The following DNM3 variants were observed in gnomAD, a reference collection of about 807,000 sequenced individuals.
DNM3 encodes dynamin-3.
A neutral mutation model predicts 101.6 loss-of-function variants in DNM3; 47 were observed. That is an observed-to-expected ratio of 0.46 (90% CI 0.37 to 0.59). DNM3 has a LOEUF of 0.59. Among genes scored for constraint, DNM3 ranks in the 20% least tolerant of loss-of-function variants. The pLI, the probability that DNM3 is intolerant of heterozygous loss-of-function variation, is 0.00. For missense variants in DNM3, 849 were observed against 1,085.7 expected, an observed-to-expected ratio of 0.78 and a Z score of 3.06; for synonymous variants, 385 against 387.9, an observed-to-expected ratio of 0.99 and a Z score of 0.09.
intron 14 of DNM3, among the ~76,000 whole-genome samples, chr1:172,223,122 C>A (rs933555018): frequency 2.6e-5 from 4 of 151,928 alleles, no homozygotes; most frequent in African/African-American, 9.7e-5. Context: ...GTATACAGTA[C>A]AATATTGTTA....
intron 20 of DNM3, among the ~76,000 whole-genome samples, chr1:172,405,677 C>T (rs1269103238): frequency 2.0e-5 from 3 of 151,946 alleles, no homozygotes; most frequent in African/African-American, 7.2e-5. Flanking sequence ...AATTTCCCTC[C>T]TTAAAGCTCA....
intron 6 of DNM3, 94 bp downstream of exon 6, chr1:172,033,359 C>A: frequency 7.6e-7 from 1 of 1,320,102 alleles, no homozygotes; most frequent in Non-Finnish European, 1.0e-6. Context: ...ATTTTTTTTT[C>A]CAAAACAAGA....
chr1:172,360,761 A>C (rs2067700793), intron 17 of DNM3, among the ~76,000 whole-genome samples: 1 of 151,998 alleles, frequency 6.6e-6, no homozygotes, highest in Admixed American at 6.6e-5. Context: ...TGCCCTGCTT[A>C]CTTTAGCCAA....
At chr1:172,098,543 C>T (rs2054408954) in intron 13 of DNM3, among the ~76,000 whole-genome samples, 1 of 152,124 alleles carries the variant, frequency 6.6e-6, no homozygotes, top group Non-Finnish European at 1.5e-5. Context: ...TGACATACAT[C>T]CTCCTCAGCT....
chr1:172,266,778 C>G (rs1265383002), intron 15 of DNM3, among the ~76,000 whole-genome samples: 2 of 152,140 alleles, frequency 1.3e-5, no homozygotes, highest in Non-Finnish European at 1.5e-5. Context: ...GTGTAATACC[C>G]TCTATGAGTA....
intron 4 of DNM3, among the ~76,000 whole-genome samples, chr1:172,011,124 A>T (rs2125709358): frequency 6.6e-6 from 1 of 152,064 alleles, no homozygotes; most frequent in South Asian, 2.1e-4. Context: ...ATTAAAGAAT[A>T]GGTCCATGGT....
chr1:171,897,525 T>C (rs927490008), intron 1 of DNM3, among the ~76,000 whole-genome samples: 1 of 152,238 alleles, frequency 6.6e-6, no homozygotes, highest in Non-Finnish European at 1.5e-5. Context: ...TAATCATGTC[T>C]ATCTCTTGTC....
chr1:172,112,089 G>A (rs1372991447), intron 13 of DNM3, among the ~76,000 whole-genome samples: 2 of 152,122 alleles, frequency 1.3e-5, no homozygotes, highest in Non-Finnish European at 2.9e-5. Context: ...AGTGTGTTAG[G>A]TGCTTTGTTC....
chr1:171,867,423 C>T lies in DNM3; in HGVS notation c.161+25606C>T, dbSNP rs370316068. On this transcript the variant is annotated intron_variant, in intron 1 of 20. Transcript: ENST00000627582. ...TATTTGGAATATGAAGTCACATCTG[C>T]GCTAGGCTCCAGTAGGCTGCATCCC... 2.0e-3 allele frequency among the ~76,000 whole-genome samples: 307 copies of T among 152,272 alleles called. 3 individuals carry two copies. The South Asian group carries it at 0.03, about 15-fold the overall frequency.
At chr1:171,841,912 A>T in intron 1 of DNM3, 95 bp downstream of exon 1, 1 of 1,219,532 alleles carries the variant, frequency 8.2e-7, no homozygotes, top group Non-Finnish European at 1.1e-6. Flanking sequence ...CAGAGGGTGG[A>T]TGGACCAGGC....
intron 18 of DNM3, 82 bp downstream of exon 18, chr1:172,379,264 T>G: frequency 1.7e-6 from 2 of 1,197,656 alleles, no homozygotes; most frequent in Non-Finnish European, 2.3e-6. Context: ...AGCTTCTTTG[T>G]GTATTTTCTG....
chr1:171,955,781 G>A (rs1432876519), intron 2 of DNM3, among the ~76,000 whole-genome samples: 2 of 152,176 alleles, frequency 1.3e-5, no homozygotes, highest in Non-Finnish European at 2.9e-5. Flanking sequence ...ACATACCTGA[G>A]ACTGGGCAAT....
intron 1 of DNM3, among the ~76,000 whole-genome samples, chr1:171,844,715 A>T (rs1246791433): frequency 2.0e-5 from 3 of 152,194 alleles, no homozygotes; most frequent in Admixed American, 6.5e-5. Context: ...GTGGTGCAGG[A>T]TGAGATATAT....
intron 4 of DNM3, among the ~76,000 whole-genome samples, chr1:172,002,310 T>A (rs2046404195): frequency 6.6e-6 from 1 of 152,076 alleles, no homozygotes; most frequent in African/African-American, 2.4e-5. Flanking sequence ...CAGGAATATG[T>A]TTTTGAGCTT....
chr1:172,126,298 G>A (rs1015723811), intron 13 of DNM3, among the ~76,000 whole-genome samples: 9 of 152,150 alleles, frequency 5.9e-5, no homozygotes, highest in African/African-American at 1.9e-4. Context: ...ACTTCCATGG[G>A]TAACTGGTAA....
intron 2 of DNM3, among the ~76,000 whole-genome samples, chr1:171,945,594 G>A (rs906509235): frequency 6.6e-5 from 10 of 152,200 alleles, no homozygotes; most frequent in African/African-American, 1.7e-4. Context: ...GAAGTTGACC[G>A]TAGAAGCAGA....
chr1:172,094,451 A>G (rs1462484528), intron 13 of DNM3, among the ~76,000 whole-genome samples: 1 of 152,192 alleles, frequency 6.6e-6, no homozygotes, highest in African/African-American at 2.4e-5. Context: ...TATCTGCCCC[A>G]TGATATTTTG....
chr1:171,990,275 G>A lies in DNM3; in HGVS notation c.589+1127G>A, dbSNP rs906526654. Among the ~76,000 whole-genome samples the A allele has an allele frequency of 1.8e-4, 27 of 152,012 alleles. 1 individual carries two copies. The highest frequency in any genetic ancestry group is 2.1e-4 in the South Asian group (1 of 4,826). On this transcript the variant is annotated intron_variant, in intron 4 of 20. Coordinates refer to ENST00000627582, the MANE Select transcript of DNM3 (RefSeq NM_015569.5). ...TTCAAATGTTTGTCGATCTTTTGCC[G>A]CTTGTTCGTGCATGAGAGTGGAGCA...
chr1:172,003,180 G>T (rs1439220221), intron 4 of DNM3, among the ~76,000 whole-genome samples: 1 of 151,782 alleles, frequency 6.6e-6, no homozygotes, highest in Non-Finnish European at 1.5e-5. Flanking sequence ...GCTATTCAAG[G>T]TAAAAGTGTT....
Sources: gnomAD v4.1 joint callset for allele counts (sites outside exome capture counted in the v4.1 genomes callset) on GRCh38, gnomAD v4.1.1 for gene constraint, MANE v1.5 for transcripts, NCBI Gene and HGNC (gene_info 2026-07-23, HGNC 2026-07-21) for gene names.